The following SNTG1 variants were observed in gnomAD, a reference collection of about 807,000 sequenced individuals.
SNTG1 encodes the protein syntrophin gamma 1.
A neutral mutation model predicts 74.7 loss-of-function variants in SNTG1; 39 were observed. The observed-to-expected ratio is 0.52, with a 90% CI of 0.40 to 0.68. The LOEUF is 0.68. SNTG1 is among the 30% of genes least tolerant of loss of function. The pLI, the probability that SNTG1 is intolerant of heterozygous loss-of-function variation, is 0.00. For missense variants in SNTG1, 685 were observed against 609.5 expected (o/e 1.12, Z -1.30); for synonymous variants, 254 against 217.1 (o/e 1.17, Z -1.49).
chr8:49,932,377 A>G lies in SNTG1; in HGVS notation c.-103+20146A>G, dbSNP rs1042922184. ...TTGAAAAATGTCAATCTTAGAAAAA[A>G]ATTGAAAGAACCCACAAAGTGAACA... On this transcript the variant is annotated intron_variant, in intron 1 of 18. Transcript: ENST00000642720. Among the ~76,000 whole-genome samples, 3 of 152,076 alleles carry G rather than the reference A, an allele frequency of 2.0e-5. No individual in the cohort carries two copies. In the East Asian group the frequency reaches 5.8e-4, roughly 29 times the overall value.
At chr8:50,485,474 A>T (rs982372341) in intron 8 of SNTG1, among the ~76,000 whole-genome samples, 1 of 152,222 alleles carries the variant, frequency 6.6e-6, no homozygotes, top group South Asian at 2.1e-4. Flanking sequence ...ACTTCTTTTG[A>T]GAAGTGTCTG....
At position 50,393,438 on chromosome 8, in the gene SNTG1, C is replaced by T. The variant is rs548931229; in HGVS notation, c.-27-774C>T. Among the ~76,000 whole-genome samples the T allele has an allele frequency of 3.9e-5, 6 of 152,162 alleles. No homozygotes were observed. The South Asian group carries it at 1.0e-3, about 26-fold the overall frequency. Reference sequence around the variant, plus strand: ...GAATTAATCATTCATCTTACTTTGACGTCTCATTTACTTATCCATTATATT... The same window carrying T: ...GAATTAATCATTCATCTTACTTTGATGTCTCATTTACTTATCCATTATATT... On this transcript the variant is annotated intron_variant, in intron 2 of 18. Coordinates refer to ENST00000642720, the MANE Select transcript of SNTG1 (RefSeq NM_018967.5).
intron 18 of SNTG1, among the ~76,000 whole-genome samples, chr8:50,785,794 C>T (rs555174010): frequency 6.6e-6 from 1 of 151,956 alleles, no homozygotes; most frequent in Non-Finnish European, 1.5e-5. Context: ...AATCCAGCAA[C>T]ATGCAAAAAT....
intron 2 of SNTG1, among the ~76,000 whole-genome samples, chr8:50,259,891 G>A (rs1013509232): frequency 1.3e-5 from 2 of 152,076 alleles, no homozygotes; most frequent in African/African-American, 4.8e-5. Context: ...GACACAGTCT[G>A]GGGTTGGGAA....
chr8:50,650,852 C>T (rs927547815), intron 13 of SNTG1, among the ~76,000 whole-genome samples: 9 of 152,012 alleles, frequency 5.9e-5, no homozygotes, highest in African/African-American at 2.2e-4. Flanking sequence ...AAGCATCTGC[C>T]ACCATGCCTG....
chr8:50,635,210 CT>C (rs1344409975), intron 13 of SNTG1, among the ~76,000 whole-genome samples: 1 of 152,162 alleles, frequency 6.6e-6, no homozygotes, highest in African/African-American at 2.4e-5. Context: ...AGCACTGCCC[CT>C]GGGACTCAAT....
chr8:50,508,662 G>A (rs1432397040), intron 9 of SNTG1, among the ~76,000 whole-genome samples: 1 of 152,180 alleles, frequency 6.6e-6, no homozygotes, highest in Non-Finnish European at 1.5e-5. Flanking sequence ...GCATTTCTCT[G>A]ATGGCCAGTG....
intron 1 of SNTG1, among the ~76,000 whole-genome samples, chr8:50,035,774 T>C (rs1447269048): frequency 6.6e-6 from 1 of 152,166 alleles, no homozygotes. Context: ...ACAGAGAGAC[T>C]TGAAGAGAGC....
intron 2 of SNTG1, among the ~76,000 whole-genome samples, chr8:50,213,511 T>C (rs1247568090): frequency 6.6e-6 from 1 of 152,148 alleles, no homozygotes; most frequent in Non-Finnish European, 1.5e-5. Context: ...AAAATAAATA[T>C]GTACTTTATT....
intron 17 of SNTG1, among the ~76,000 whole-genome samples, chr8:50,721,949 A>G (rs1209781157): frequency 6.6e-6 from 1 of 152,126 alleles, no homozygotes; most frequent in African/African-American, 2.4e-5. Context: ...ATTACTTATA[A>G]TCTGTGCTTG....
At chr8:50,667,567 C>T (rs1586014546) in intron 15 of SNTG1, among the ~76,000 whole-genome samples, 1 of 151,976 alleles carries the variant, frequency 6.6e-6, no homozygotes, top group Non-Finnish European at 1.5e-5. Flanking sequence ...ATAAACCCAT[C>T]ACGGGGCCCC....
intron 2 of SNTG1, among the ~76,000 whole-genome samples, chr8:50,207,117 A>T (rs944386498): frequency 5.3e-5 from 8 of 151,998 alleles, no homozygotes. Flanking sequence ...TTTTCTATTG[A>T]TTGGATTAGT....
chr8:49,967,593 A>G (rs926442337), intron 1 of SNTG1, among the ~76,000 whole-genome samples: 2 of 34,864 alleles, frequency 5.7e-5, no homozygotes, highest in South Asian at 1.8e-3. Context: ...TAATTTGGAC[A>G]GGAAAAAAAG....
chr8:49,974,098 T>A (rs1311614263), intron 1 of SNTG1, among the ~76,000 whole-genome samples: 1 of 152,202 alleles, frequency 6.6e-6, no homozygotes, highest in Admixed American at 6.6e-5. Context: ...CCAAAGAGAA[T>A]GAATGTAAGT....
At chr8:49,963,388 A>AT (rs1168097035) in intron 1 of SNTG1, among the ~76,000 whole-genome samples, 1 of 152,126 alleles carries the variant, frequency 6.6e-6, no homozygotes, top group African/African-American at 2.4e-5. Context: ...GTTTTGGTTT[A>AT]TGTCTTGGGC....
At chr8:50,077,227 A>AT (rs1306850035) in intron 1 of SNTG1, among the ~76,000 whole-genome samples, 1 of 152,076 alleles carries the variant, frequency 6.6e-6, no homozygotes, top group Non-Finnish European at 1.5e-5. Context: ...TTATTCTTAC[A>AT]TTTTTTCTTT....
chr8:50,370,710 T>C (rs2092247358), intron 2 of SNTG1, among the ~76,000 whole-genome samples: 1 of 152,020 alleles, frequency 6.6e-6, no homozygotes, highest in African/African-American at 2.4e-5. Context: ...GCTCCTTTCT[T>C]CCAGACCTAT....
intron 15 of SNTG1, among the ~76,000 whole-genome samples, chr8:50,704,289 G>C (rs1047444752): frequency 3.3e-5 from 5 of 152,160 alleles, no homozygotes; most frequent in African/African-American, 1.2e-4. Context: ...AAGAGATAGT[G>C]TGTCACCCCT....
At chr8:50,603,589 G>A (rs1349479879) in intron 13 of SNTG1, among the ~76,000 whole-genome samples, 1 of 152,002 alleles carries the variant, frequency 6.6e-6, no homozygotes, top group South Asian at 2.1e-4. Flanking sequence ...GTCAGCATCT[G>A]GGCATTGAAA....
Sources: gnomAD v4.1 joint callset for allele counts (sites outside exome capture counted in the v4.1 genomes callset) on GRCh38, gnomAD v4.1.1 for gene constraint, MANE v1.5 for transcripts, NCBI Gene and HGNC (gene_info 2026-07-23, HGNC 2026-07-21) for gene names.